MICU3: variants seen among roughly 807,000 people sequenced by gnomAD.
The protein encoded by MICU3 is mitochondrial calcium uptake 3.
Under a neutral mutation model 66.5 loss-of-function variants are expected in MICU3, and 62 were observed. The observed-to-expected ratio is 0.93, with a 90% CI of 0.76 to 1.15. The LOEUF (loss-of-function observed/expected upper bound fraction) is 1.15. MICU3 is among the 50% of genes most tolerant of loss of function. The pLI is 0.00. For synonymous variants in MICU3, 308 were observed against 240.7 expected, an observed-to-expected ratio of 1.28 and a Z score of -2.59; for missense variants, 779 against 664.4, an observed-to-expected ratio of 1.17 and a Z score of -1.90.
chr8:17,064,856 C>CT (rs1297889296), intron 2 of MICU3, among the ~76,000 whole-genome samples: 2 of 151,928 alleles, frequency 1.3e-5, no homozygotes, highest in Non-Finnish European at 2.9e-5. Context: ...TTTTAATTGC[C>CT]TTTTTAGATT....
intron 8 of MICU3, among the ~76,000 whole-genome samples, chr8:17,095,342 G>A (rs1227869020): frequency 6.6e-6 from 1 of 151,806 alleles, no homozygotes; most frequent in Admixed American, 6.6e-5. Context: ...ATTGTATTCA[G>A]TTTTCTTTTT....
At chr8:17,110,161 C>T (rs547133880) in intron 11 of MICU3, among the ~76,000 whole-genome samples, 4 of 152,200 alleles carry the variant, frequency 2.6e-5, no homozygotes, top group East Asian at 3.9e-4. Flanking sequence ...GTTTTCTGAA[C>T]GTCTGTTTGT....
chr8:17,111,452 G>C (rs1802200067), intron 11 of MICU3, among the ~76,000 whole-genome samples: 1 of 152,092 alleles, frequency 6.6e-6, no homozygotes, highest in East Asian at 1.9e-4. Context: ...TTCTCAAGTA[G>C]CTAGGAGTAC....
rs150676145 is a variant in MICU3 at position 17,104,528 on chromosome 8, G to A, written c.1085+37G>A. ...TTTATATTTTTATTAAAAATTATTA[G>A]CCTACTGAAATCAGAAGGATCTTTA... On this transcript the variant is annotated intron_variant, in intron 10 of 14. Coordinates refer to ENST00000318063, the MANE Select transcript of MICU3 (RefSeq NM_181723.3). 11 of 1,120,916 alleles carry A rather than the reference G, an allele frequency of 9.8e-6. No individual in the cohort carries two copies. In the Admixed American group the frequency reaches 1.6e-4, roughly 16 times the overall value. The allele number at this position is 1,120,916 out of a possible 1,614,324, so 69.4% of individuals were successfully genotyped here.
Position 17,070,305 on chromosome 8 carries a change from A to G in MICU3, c.567+586A>G, listed in dbSNP as rs138904695. On this transcript the variant is annotated intron_variant, in intron 3 of 14. Transcript: ENST00000318063. The stretch of plus-strand genomic sequence containing the variant: ...AGTATACTACACAATAGTGAAAACA[A>G]ATGAATTTTAACAGTGCTTTAACTA... Among the ~76,000 whole-genome samples, 1,304 of 152,214 alleles carry G rather than the reference A, an allele frequency of 8.6e-3. 14 individuals are homozygous for G. The highest frequency in any genetic ancestry group is 0.03 in the African/African-American group (1,229 of 41,546).
intron 2 of MICU3, among the ~76,000 whole-genome samples, chr8:17,068,358 C>T (rs1819040435): frequency 6.6e-6 from 1 of 152,168 alleles, no homozygotes; most frequent in South Asian, 2.1e-4. Context: ...CCCTGCAAAA[C>T]TCAAGAGTAC....
At chr8:17,100,135 C>A (rs1307023727) in intron 9 of MICU3, among the ~76,000 whole-genome samples, 3 of 151,730 alleles carry the variant, frequency 2.0e-5, no homozygotes, top group Non-Finnish European at 4.4e-5. Context: ...TTCTGTGACA[C>A]CCCCTTTGTT....
At chr8:17,073,564 G>C (rs1411059670) in intron 3 of MICU3, among the ~76,000 whole-genome samples, 1 of 152,134 alleles carries the variant, frequency 6.6e-6, no homozygotes, top group Non-Finnish European at 1.5e-5. Context: ...AATAATAATA[G>C]AAATAGAGTG....
rs1488858757 is a variant in MICU3, at chr8:17,081,709, A to G, written c.663A>G (p.Thr221=). The change falls in exon 5 of 15, where the codon ACA becomes ACG. Residue 221 remains threonine, a synonymous_variant. Transcript: ENST00000318063. ...TTCTTGTAGGTGTGATTTCTTACAC[A>G]GAATATCTTTTTCTTTTATGTATTT... ...NLKEKGVISY[T]EYLFLLCILT... 2 of 903,376 alleles carry G rather than the reference A, an allele frequency of 2.2e-6. No homozygotes were observed. Among genetic ancestry groups the G allele is most frequent in the East Asian group, 3.0e-5 (1 of 33,296 alleles). The allele number at this position is 903,376 out of a possible 1,614,324, so 56.0% of individuals were successfully genotyped here. A position where few individuals can be genotyped will look rare whatever the true frequency, so the allele number is the denominator to read the frequency against.
chr8:17,047,988 A>C (rs988234667), intron 1 of MICU3, among the ~76,000 whole-genome samples: 2 of 152,218 alleles, frequency 1.3e-5, no homozygotes, highest in African/African-American at 4.8e-5. Flanking sequence ...AATAGTGAAC[A>C]ACTGATACGC....
intron 4 of MICU3, 129 bp from the exon 5 acceptor site, chr8:17,081,564 T>A (rs1314203433): frequency 8.5e-6 from 3 of 353,776 alleles, no homozygotes; most frequent in Admixed American, 4.9e-5. Flanking sequence ...TTTGTTATGA[T>A]TTTATAATAA....
chr8:17,075,982 T>C (rs1820330977), intron 3 of MICU3, among the ~76,000 whole-genome samples: 1 of 152,188 alleles, frequency 6.6e-6, no homozygotes, highest in South Asian at 2.1e-4. Flanking sequence ...ATAGAGATGG[T>C]ATAAATTAAG....
intron 7 of MICU3, among the ~76,000 whole-genome samples, chr8:17,088,796 A>G (rs1329602394): frequency 6.6e-6 from 1 of 152,000 alleles, no homozygotes; most frequent in Non-Finnish European, 1.5e-5. Context: ...GAAAACCTAC[A>G]GTGTTAGCAC....
intron 12 of MICU3, among the ~76,000 whole-genome samples, chr8:17,114,540 A>T (rs1184329001): frequency 1.3e-5 from 2 of 152,158 alleles, no homozygotes; most frequent in Non-Finnish European, 2.9e-5. Context: ...TTAGCCATGG[A>T]TTTACATTAA....
At chr8:17,078,997 A>C (rs1464801684) in intron 4 of MICU3, among the ~76,000 whole-genome samples, 1 of 152,192 alleles carries the variant, frequency 6.6e-6, no homozygotes, top group Non-Finnish European at 1.5e-5. Flanking sequence ...ATTTTTCTTA[A>C]TATACCTCAT....
At chr8:17,084,958 A>T (rs1799310883) in intron 5 of MICU3, among the ~76,000 whole-genome samples, 1 of 152,094 alleles carries the variant, frequency 6.6e-6, no homozygotes, top group African/African-American at 2.4e-5. Context: ...CCTTTAAAAC[A>T]AACTAACAGA....
rs748885756 is a variant in MICU3 at position 17,062,877 on chromosome 8, TA to T, written c.382-1193del. Among the ~76,000 whole-genome samples, 633 of 134,436 alleles carry T rather than the reference TA, an allele frequency of 4.7e-3. 1 individual carries two copies. The highest frequency in any genetic ancestry group is 6.0e-3 in the African/African-American group (219 of 36,660). The allele number at this position is 134,436 out of a possible 152,430, so 88.2% of individuals were successfully genotyped here. A position where few individuals can be genotyped will look rare whatever the true frequency, so the allele number is the denominator to read the frequency against. On this transcript the variant is annotated intron_variant, in intron 1 of 14. Transcript: ENST00000318063. ...CTGGGTGACAGAGTGAGACTCTGTC[TA>T]AAAAAAAAAAAAAGAACTTATCCTG...
At chr8:17,130,594 T>A in the MICU3 span, among the ~76,000 whole-genome samples, 4 of 152,184 alleles carry the variant, frequency 2.6e-5, no homozygotes, top group African/African-American at 9.7e-5. Flanking sequence ...ATTAAATTAT[T>A]TGGTAATATC....
At chr8:17,091,060 G>A (rs1799994496) in intron 8 of MICU3, among the ~76,000 whole-genome samples, 1 of 151,276 alleles carries the variant, frequency 6.6e-6, no homozygotes, top group Non-Finnish European at 1.5e-5. Context: ...TTTGTTTCCT[G>A]CCATTTCCTC....
Sources: allele counts gnomAD v4.1 joint callset (sites outside exome capture counted in the v4.1 genomes callset), GRCh38; gene constraint gnomAD v4.1.1; transcripts MANE v1.5; gene names NCBI Gene and HGNC (gene_info 2026-07-23, HGNC 2026-07-21).